The following DLC1 variants were observed in gnomAD, a reference collection of about 807,000 sequenced individuals.
DLC1 encodes the protein DLC1 Rho GTPase activating protein.
DLC1 carries 54 observed loss-of-function variants against 140.3 expected under a neutral mutation model. The observed-to-expected ratio is 0.38, with a 90% CI of 0.31 to 0.48. The LOEUF is 0.48. Among genes scored for constraint, DLC1 ranks in the 20% least tolerant of loss-of-function variants. The probability of loss-of-function intolerance (pLI) is 0.96; values close to 1 mark genes in which losing one functional copy is unlikely to be tolerated. For synonymous variants in DLC1, 986 were observed against 728.1 expected (o/e 1.35, Z -5.70); for missense variants, 2,536 against 1,907.0 (o/e 1.33, Z -6.14).
At chr8:13,170,664 A>G in intron 5 of DLC1, among the ~76,000 whole-genome samples, 1 of 146,916 alleles carries the variant, frequency 6.8e-6, no homozygotes, top group Admixed American at 7.0e-5. Context: ...CGGGAGGCGG[A>G]GCTTGCAGTG....
At chr8:13,258,556 G>C (rs1020570542) in intron 5 of DLC1, among the ~76,000 whole-genome samples, 3 of 152,118 alleles carry the variant, frequency 2.0e-5, no homozygotes, top group Non-Finnish European at 4.4e-5. Context: ...CCACATTTAA[G>C]TTCTTACTGG....
chr8:13,098,195 A>G (rs543398035), intron 10 of DLC1, among the ~76,000 whole-genome samples: 19 of 152,166 alleles, frequency 1.2e-4, no homozygotes, highest in South Asian at 6.2e-4. Context: ...ACTGCACCGC[A>G]CTCCAGCCTA....
intron 1 of DLC1, among the ~76,000 whole-genome samples, chr8:13,550,004 A>G (rs958333638): frequency 2.0e-5 from 3 of 152,160 alleles, no homozygotes; most frequent in East Asian, 1.9e-4. Context: ...TGAAGAAATC[A>G]GTGAAGTATC....
At chr8:13,575,694 A>T (rs1369716227) in intron 1 of DLC1, among the ~76,000 whole-genome samples, 1 of 152,328 alleles carries the variant, frequency 6.6e-6, no homozygotes, top group African/African-American at 2.4e-5. Context: ...GCTTCAGTGT[A>T]CCATAATAGT....
intron 5 of DLC1, among the ~76,000 whole-genome samples, chr8:13,153,413 C>T (rs542609861): frequency 4.7e-4 from 71 of 152,324 alleles, no homozygotes; most frequent in African/African-American, 1.3e-3. Context: ...AGCTCATAAA[C>T]GCAGTGTGGA....
chr8:13,584,896 T>G (rs1315698334), intron 1 of DLC1, among the ~76,000 whole-genome samples: 1 of 152,192 alleles, frequency 6.6e-6, no homozygotes, highest in Non-Finnish European at 1.5e-5. Flanking sequence ...CCCCACTGTC[T>G]ATTATTTTCC....
intron 1 of DLC1, among the ~76,000 whole-genome samples, chr8:13,532,578 TTCTCTC>T (rs61307108): frequency 2.7e-5 from 4 of 149,848 alleles, no homozygotes; most frequent in Non-Finnish European, 3.0e-5. Context: ...CTCTCTCTCT[TTCTCTC>T]TCTCTCTCTC....
intron 1 of DLC1, among the ~76,000 whole-genome samples, chr8:13,579,269 T>TATATATATATAC (rs71207166): frequency 3.4e-5 from 3 of 89,344 alleles, no homozygotes; most frequent in African/African-American, 1.3e-4. Context: ...TATATATATA[T>TATATATATATAC]GCACATATCT....
At chr8:13,562,378 AAAAC>A (rs890687243) in intron 1 of DLC1, among the ~76,000 whole-genome samples, 62 of 152,294 alleles carry the variant, frequency 4.1e-4, no homozygotes, top group African/African-American at 1.4e-3. Flanking sequence ...TGAAAAGAAA[AAAAC>A]AAAATTTATA....
At chr8:13,141,081 C>G (rs1326377136) in intron 5 of DLC1, among the ~76,000 whole-genome samples, 1 of 151,754 alleles carries the variant, frequency 6.6e-6, no homozygotes, top group African/African-American at 2.4e-5. Flanking sequence ...ATGGAGGAAT[C>G]CCCATCACTA....
chr8:13,420,866 G>A (rs1838290615), intron 2 of DLC1, among the ~76,000 whole-genome samples: 1 of 151,970 alleles, frequency 6.6e-6, no homozygotes, highest in South Asian at 2.1e-4. Flanking sequence ...TTAATTTTAG[G>A]CCGTATGTAT....
At chr8:13,220,394 G>A (rs552668152) in intron 5 of DLC1, among the ~76,000 whole-genome samples, 2 of 152,178 alleles carry the variant, frequency 1.3e-5, no homozygotes, top group South Asian at 2.1e-4. Flanking sequence ...AACAAGTGGG[G>A]ATCAGGTGGA....
rs78725109 is a variant in DLC1, at chr8:13,101,519, C to T, written c.1567-749G>A. Among the ~76,000 whole-genome samples the T allele has an allele frequency of 3.4e-3, 514 of 152,232 alleles. 1 individual carries two copies. The highest frequency in any genetic ancestry group is 0.011 in the African/African-American group (448 of 41,526). On this transcript the variant is annotated intron_variant, in intron 8 of 17. Transcript: ENST00000276297. Reference sequence around the variant, plus strand: ...AGTTTTCAAACACTAAGAAGAGTGGCAACTTAAATCTCTAGACACTAAAAA... The same window carrying T: ...AGTTTTCAAACACTAAGAAGAGTGGTAACTTAAATCTCTAGACACTAAAAA...
intron 2 of DLC1, among the ~76,000 whole-genome samples, chr8:13,457,865 T>C (rs1401494023): frequency 6.6e-6 from 1 of 151,992 alleles, no homozygotes; most frequent in Non-Finnish European, 1.5e-5. Flanking sequence ...AACCTTTACT[T>C]TTTGCCTCTG....
At position 13,123,182 on chromosome 8, in the gene DLC1, G is replaced by A. The variant is rs924408841; in HGVS notation, c.1349-7525C>T. Among the ~76,000 whole-genome samples the A allele has an allele frequency of 9.2e-5, 14 of 152,212 alleles. No homozygotes were observed. In the South Asian group the frequency reaches 1.9e-3, roughly 20 times the overall value. Reference sequence around the variant, plus strand: ...TTAAGCCCGAAGTGACCCTGTACACGTCACGTTAGTGAGTGCCCCTTTCAT... The same window carrying A: ...TTAAGCCCGAAGTGACCCTGTACACATCACGTTAGTGAGTGCCCCTTTCAT... On this transcript the variant is annotated intron_variant, in intron 5 of 17. Transcript: ENST00000276297.
Position 13,151,243 on chromosome 8 carries a change from A to G in DLC1, c.1349-35586T>C, listed in dbSNP as rs76151376. On this transcript the variant is annotated intron_variant, in intron 5 of 17. Coordinates refer to ENST00000276297, the MANE Select transcript of DLC1 (RefSeq NM_182643.3). Reference sequence around the variant, plus strand: ...TCAGTCTTCCTCACTCTGTCAATTTAATGAATTACCAGTAAAAACACCAAC... The same window carrying G: ...TCAGTCTTCCTCACTCTGTCAATTTGATGAATTACCAGTAAAAACACCAAC... Among the ~76,000 whole-genome samples the G allele has an allele frequency of 1.2e-3, 190 of 152,334 alleles. 7 individuals are homozygous for G. In the East Asian group the frequency reaches 0.031, roughly 25 times the overall value.
chr8:13,249,749 C>T (rs1729090), intron 5 of DLC1, among the ~76,000 whole-genome samples: 61,429 of 152,012 alleles, frequency 0.4, 12,834 homozygotes, highest in East Asian at 0.79. Context: ...ATCACAAGAA[C>T]AACAATGAAC....
At chr8:13,199,944 C>T (rs1332658439) in intron 5 of DLC1, among the ~76,000 whole-genome samples, 1 of 152,082 alleles carries the variant, frequency 6.6e-6, no homozygotes, top group Non-Finnish European at 1.5e-5. Flanking sequence ...ATTCTAATGG[C>T]CTGCATGTAT....
In DLC1 at chr8:13,498,729, G is replaced by C. The variant is rs188555387; in HGVS notation, c.1023+320C>G. 744 of 216,268 alleles carry C rather than the reference G, an allele frequency of 3.4e-3. 7 individuals carry two copies. Among genetic ancestry groups the C allele is most frequent in the African/African-American group, 0.016 (708 of 43,678 alleles). The allele number at this position is 216,268 out of a possible 1,614,324, so 13.4% of individuals were successfully genotyped here. On this transcript the variant is annotated intron_variant, in intron 2 of 17. Transcript: ENST00000276297. ...TAGAAATCACTCTACAGAATGCCTTGAATTGCATGTCTATGAGCTATCTAG... is the reference window on the plus strand; with the variant it reads ...TAGAAATCACTCTACAGAATGCCTTCAATTGCATGTCTATGAGCTATCTAG...
Sources: gnomAD v4.1 joint callset for allele counts (sites outside exome capture counted in the v4.1 genomes callset) on GRCh38, gnomAD v4.1.1 for gene constraint, MANE v1.5 for transcripts, NCBI Gene and HGNC (gene_info 2026-07-23, HGNC 2026-07-21) for gene names.